The following IFT140 variants were observed in gnomAD, a reference collection of about 807,000 sequenced individuals.
The protein encoded by IFT140 is intraflagellar transport protein 140 homolog.
Under a neutral mutation model 164.6 loss-of-function variants are expected in IFT140, and 133 were observed. That is an observed-to-expected ratio of 0.81 (90% confidence interval 0.70 to 0.93). IFT140 has a LOEUF of 0.93. IFT140 is among the 40% of genes least tolerant of loss of function. The pLI, the probability that IFT140 is intolerant of heterozygous loss-of-function variation, is 0.00. For synonymous variants in IFT140, 860 were observed against 817.3 expected (o/e 1.05, Z -0.89); for missense variants, 2,045 against 1,972.3 (o/e 1.04, Z -0.70).
In IFT140 at chr16:1,587,299, C is replaced by T; in HGVS notation, c.908G>A (p.Trp303Ter). 6.2e-7 allele frequency: 1 copy of T among 1,606,050 alleles called. No homozygotes were observed. Among genetic ancestry groups the T allele is most frequent in the East Asian group, 2.2e-5 (1 of 44,850 alleles). ...MAVGEAALRF[W>*]DIERGENYIL... ...ATAATTCTCTCCTCGTTCTATGTCCCAGAATCTACAACAGAAGAAAGCAAG... is the reference window on the plus strand; with the variant it reads ...ATAATTCTCTCCTCGTTCTATGTCCTAGAATCTACAACAGAAGAAAGCAAG... The change falls in exon 9 of 31, where the codon TGG becomes TAG. Residue 303 changes from tryptophan to a stop codon, truncating the protein, a stop_gained. Coordinates refer to ENST00000426508, the MANE Select transcript of IFT140 (RefSeq NM_014714.4). LOFTEE classifies it high-confidence loss of function.
rs999905979 is a variant in IFT140 at position 1,533,938 on chromosome 16, G to A, written c.2400-7142C>T. On this transcript the variant is annotated intron_variant, in intron 19 of 30. Coordinates refer to ENST00000426508, the MANE Select transcript of IFT140 (RefSeq NM_014714.4). The surrounding 1 kb of genome is among the most constrained non-coding windows in gnomAD (Gnocchi z 4.7). The stretch of plus-strand genomic sequence containing the variant: ...CTCTGTTTTCCACTGCTGCAGGCGA[G>A]AAGAGGCACGCGCGGCACAGGCCGG... 1.2e-4 allele frequency: 46 copies of A among 371,310 alleles called. No individual in the cohort carries two copies. Among genetic ancestry groups the A allele is most frequent in the African/African-American group, 9.6e-4 (44 of 45,764 alleles). The allele number at this position is 371,310 out of a possible 1,614,324, so 23.0% of individuals were successfully genotyped here. A position where few individuals can be genotyped will look rare whatever the true frequency, so the allele number is the denominator to read the frequency against.
At position 1,592,286 on chromosome 16, in the gene IFT140, C is replaced by T. The variant is rs1386487323; in HGVS notation, c.524G>A (p.Ser175Asn). 2 of 1,614,214 alleles carry T rather than the reference C, an allele frequency of 1.2e-6. No individual in the cohort carries two copies. The highest frequency in any genetic ancestry group is 4.5e-5 in the East Asian group (2 of 44,882). ...DLVQLAKAAV[S>N]GDEKALDMFN... ...CATGTCCAGGGCTTTCTCATCACCG[C>T]TCACAGCTGCCTTTGCCAACTGAAC... is the stretch of plus-strand genomic sequence containing the variant. Residue 175 changes from serine (S) to asparagine (N), a missense_variant, in exon 6 of 31, where the codon AGC (serine) becomes AAC (asparagine). Physicochemically the swap from Ser to Asn is conservative, Grantham distance 46. Coordinates refer to ENST00000426508, the MANE Select transcript of IFT140 (RefSeq NM_014714.4).
At position 1,510,950 on chromosome 16, in the gene IFT140, G is replaced by T. The variant is rs768372140; in HGVS notation, c.4383C>A (p.Asp1461Glu). Residue 1461 changes from aspartate to glutamate, a missense_variant, in exon 31 of 31, where the codon GAC becomes GAA. Asp to Glu is a conservative substitution (Grantham distance 45). Transcript: ENST00000426508. ...GTCCTGGGGCCCAGGCCCCTCAGGG[G>T]TCGTCATCTGCCTCTTCCACCACCT... ...DEEVVEEADD[D>E]P The T allele has an allele frequency of 1.2e-6, 2 of 1,611,164 alleles. No individual in the cohort carries two copies. The highest frequency in any genetic ancestry group is 1.1e-5 in the South Asian group (1 of 90,452).
intron 2 of IFT140, chr16:1,610,265 G>A (rs1250937309): frequency 1.9e-5 from 3 of 154,942 alleles, no homozygotes; most frequent in Non-Finnish European, 2.9e-5. Context: ...CTGGCGGTTT[G>A]ATGCAACACG....
Position 1,523,973 on chromosome 16 carries a change from A to G in IFT140, c.3142-17T>C. On this transcript the variant is annotated splice_polypyrimidine_tract_variant and intron_variant, in intron 24 of 30. Coordinates refer to ENST00000426508, the MANE Select transcript of IFT140 (RefSeq NM_014714.4). ...GCCGTTCTCCTGCAGGGAGGGAGGC[A>G]GGGCCCTGAAGCGGCTCCCACTGGC... 1 of 1,607,260 alleles carries G rather than the reference A, an allele frequency of 6.2e-7. No homozygotes were observed. The highest frequency in any genetic ancestry group is 1.7e-4 in the Middle Eastern group (1 of 6,014).
intron 10 of IFT140, 147 bp downstream of exon 10, chr16:1,585,983 G>T: frequency 2.2e-6 from 2 of 906,578 alleles, no homozygotes; most frequent in Non-Finnish European, 1.8e-6. Flanking sequence ...GTGTTAGCCA[G>T]GATGGTCTCG....
intron 17 of IFT140, 102 bp downstream of exon 17, chr16:1,563,894 CG>C (rs1453871778): frequency 3.5e-5 from 44 of 1,260,404 alleles, no homozygotes; most frequent in Non-Finnish European, 4.2e-5. Context: ...CCCACAGTGC[CG>C]GGATCACAGG....
chr16:1,596,616 T>G (rs1412827642), intron 4 of IFT140, among the ~76,000 whole-genome samples: 2 of 152,252 alleles, frequency 1.3e-5, no homozygotes, highest in East Asian at 3.9e-4. Flanking sequence ...ATGTCTACTA[T>G]CAAGAGCTCA....
At chr16:1,606,864 A>AC (rs370865457) in intron 3 of IFT140, among the ~76,000 whole-genome samples, 10 of 150,398 alleles carry the variant, frequency 6.6e-5, no homozygotes, top group Admixed American at 1.3e-4. Flanking sequence ...ACACGCATAC[A>AC]CCCCCCCACA....
At chr16:1,580,874 G>C in intron 12 of IFT140, 24 bp from the exon 13 acceptor site, 1 of 1,530,342 alleles carries the variant, frequency 6.5e-7, no homozygotes, top group Non-Finnish European at 9.1e-7. Context: ...CGAACATCAG[G>C]ATGGCGGCCG....
Position 1,564,323 on chromosome 16 carries a change from T to C in IFT140, c.1902-161A>G, listed in dbSNP as rs1214051364. 6.6e-6 allele frequency among the ~76,000 whole-genome samples: 1 copy of C among 152,178 alleles called. No homozygotes were observed. The highest frequency in any genetic ancestry group is 1.5e-5 in the Non-Finnish European group (1 of 68,038). On this transcript the variant is annotated intron_variant, in intron 16 of 30. Transcript: ENST00000426508. This position sits in a 1 kb window ranked among gnomAD's most constrained non-coding sequence, Gnocchi z 5.5. ...TTTGGGGTCTCACTGCCATGCGCCC[T>C]ACTGGAACATGTTCTCAGATTTTAA... is the stretch of plus-strand genomic sequence containing the variant.
At chr16:1,570,217 G>C (rs566986245) in intron 14 of IFT140, among the ~76,000 whole-genome samples, 1 of 152,334 alleles carries the variant, frequency 6.6e-6, no homozygotes, top group Admixed American at 6.5e-5. Context: ...CTGGGCACCA[G>C]GTGTGCCTGC....
At chr16:1,608,803 A>C (rs2036205371) in intron 2 of IFT140, among the ~76,000 whole-genome samples, 3 of 151,818 alleles carry the variant, frequency 2.0e-5, no homozygotes, top group African/African-American at 7.3e-5. Flanking sequence ...GTAGCCTTGA[A>C]CTCCTGGGCT....
Position 1,564,693 on chromosome 16 carries a change from C to T in IFT140, c.1902-531G>A, listed in dbSNP as rs1314768789. ...CACAATGATGTGCCGGCAGACGACACACAAGGTTTCAAGAGAGAGCAGGTG... is the reference window on the plus strand; with the variant it reads ...CACAATGATGTGCCGGCAGACGACATACAAGGTTTCAAGAGAGAGCAGGTG... On this transcript the variant is annotated intron_variant, in intron 16 of 30. Transcript: ENST00000426508. This position sits in a 1 kb window ranked among gnomAD's most constrained non-coding sequence, Gnocchi z 5.5. Among the ~76,000 whole-genome samples, 1 of 152,154 alleles carries T rather than the reference C, an allele frequency of 6.6e-6. No homozygotes were observed. Among genetic ancestry groups the T allele is most frequent in the African/African-American group, 2.4e-5 (1 of 41,404 alleles).
intron 15 of IFT140, among the ~76,000 whole-genome samples, chr16:1,566,818 T>G (rs1195563197): frequency 6.6e-6 from 1 of 152,136 alleles, no homozygotes; most frequent in Non-Finnish European, 1.5e-5. Flanking sequence ...TCGACCTTTT[T>G]GAGGCTCCTG....
In IFT140 at chr16:1,606,053, C is replaced by T. The variant is rs550868460; in HGVS notation, c.147+1067G>A. The stretch of plus-strand genomic sequence containing the variant: ...AGGGAGCACCAAGGCTTGCTGGGAA[C>T]AGCAGGAGCAGGACAGCAGCTCGGG... On this transcript the variant is annotated intron_variant, in intron 3 of 30. Transcript: ENST00000426508. 2.0e-5 allele frequency among the ~76,000 whole-genome samples: 3 copies of T among 152,354 alleles called. No homozygotes were observed. The South Asian group carries it at 6.2e-4, about 32-fold the overall frequency.
chr16:1,544,655 TTTTC>T (rs1313807894), intron 19 of IFT140, among the ~76,000 whole-genome samples: 1 of 151,752 alleles, frequency 6.6e-6, no homozygotes, highest in Non-Finnish European at 1.5e-5. Flanking sequence ...TTTTTCTTTT[TTTTC>T]TTTTTTTGAG....
intron 3 of IFT140, among the ~76,000 whole-genome samples, chr16:1,606,623 G>A (rs951366182): frequency 7.2e-5 from 11 of 152,244 alleles, no homozygotes; most frequent in African/African-American, 2.6e-4. Context: ...ACCATGCCCG[G>A]CTAATTTTGT....
At chr16:1,520,903 T>G in intron 26 of IFT140, 95 bp from the exon 27 acceptor site, 3 of 1,216,926 alleles carry the variant, frequency 2.5e-6, no homozygotes, top group Non-Finnish European at 3.4e-6. Flanking sequence ...ACCAGGCCCC[T>G]CGGCTCAGCG....
Sources: gnomAD v4.1 joint callset for allele counts (sites outside exome capture counted in the v4.1 genomes callset) on GRCh38, gnomAD v4.1.1 for gene constraint, Gnocchi (gnomAD v3.1) non-coding constraint, MANE v1.5 for transcripts, NCBI Gene and HGNC (gene_info 2026-07-23, HGNC 2026-07-21) for gene names.